The following CAST variants were observed in gnomAD, a reference collection of about 807,000 sequenced individuals.
CAST encodes the protein calpastatin, also known as MIR583 host.
CAST carries 76 observed loss-of-function variants against 119.6 expected under a neutral mutation model. The ratio of observed to expected loss-of-function variants is 0.64; its 90% confidence interval spans 0.53 to 0.77. CAST has a LOEUF of 0.77. Among genes scored for constraint, CAST ranks in the 30% least tolerant of loss-of-function variants. CAST has a pLI of 0.00. For missense variants in CAST, 953 were observed against 946.5 expected (o/e 1.01, Z -0.09); for synonymous variants, 319 against 331.6 (o/e 0.96, Z 0.41).
chr5:96,723,468 A>T (rs993262329), intron 4 of CAST, among the ~76,000 whole-genome samples: 5 of 152,182 alleles, frequency 3.3e-5, no homozygotes, highest in Admixed American at 2.0e-4. Context: ...GTTATTTCGG[A>T]TGCTTTCCCA....
At chr5:96,456,455 C>T in the CAST span, among the ~76,000 whole-genome samples, 185 of 152,250 alleles carry the variant, frequency 1.2e-3, no homozygotes, top group Non-Finnish European at 1.8e-3. Flanking sequence ...TACTCCTCAG[C>T]GCCCACTCCC....
chr5:96,074,844 G>GTTATACTTA, the CAST span, among the ~76,000 whole-genome samples: 1 of 152,142 alleles, frequency 6.6e-6, no homozygotes, highest in African/African-American at 2.4e-5. Flanking sequence ...TTATTTATGG[G>GTTATACTTA]TTATACTTAT....
upstream of CAST, among the ~76,000 whole-genome samples, chr5:96,523,506 C>A (rs1244883914): frequency 6.6e-6 from 1 of 152,254 alleles, no homozygotes; most frequent in Non-Finnish European, 1.5e-5. Flanking sequence ...GTGTGCCCGA[C>A]TCTCTCTTTG....
chr5:96,157,208 C>T, the CAST span, among the ~76,000 whole-genome samples: 18 of 152,156 alleles, frequency 1.2e-4, no homozygotes, highest in Non-Finnish European at 1.5e-4. Context: ...CAGAAAGCCT[C>T]GGAGTTTTGT....
At chr5:96,596,646 A>G (rs1219663076) in intron 1 of CAST, among the ~76,000 whole-genome samples, 1 of 152,126 alleles carries the variant, frequency 6.6e-6, no homozygotes, top group African/African-American at 2.4e-5. Flanking sequence ...ATATGAGGGA[A>G]CTTGCTGTGA....
the CAST span, among the ~76,000 whole-genome samples, chr5:96,478,995 G>A: frequency 0.2 from 30,199 of 152,182 alleles, 3,114 homozygotes; most frequent in Middle Eastern, 0.3. Flanking sequence ...AGTGCTAATT[G>A]GGTGTAACTG....
the CAST span, among the ~76,000 whole-genome samples, chr5:96,158,792 A>G: frequency 6.6e-6 from 1 of 152,238 alleles, no homozygotes; most frequent in South Asian, 2.1e-4. Context: ...ATAAATGTGT[A>G]TTTCATGAAA....
the CAST span, among the ~76,000 whole-genome samples, chr5:95,997,962 G>GTTTT: frequency 5.7e-4 from 64 of 111,628 alleles, no homozygotes; most frequent in East Asian, 6.0e-3. Flanking sequence ...TTTGAGAGAG[G>GTTTT]GTTTTTTTTT....
chr5:96,158,818 A>G, the CAST span, among the ~76,000 whole-genome samples: 1 of 152,236 alleles, frequency 6.6e-6, no homozygotes, highest in Non-Finnish European at 1.5e-5. Context: ...TGCCAGCACT[A>G]TCTTAAGTGG....
chr5:96,066,440 C>G, the CAST span, among the ~76,000 whole-genome samples: 1 of 146,408 alleles, frequency 6.8e-6, no homozygotes, highest in South Asian at 2.2e-4. Flanking sequence ...CTGCCTATTT[C>G]TTTCCATTTT....
chr5:96,746,192 G>A (rs1202781125), intron 16 of CAST, 150 bp from the exon 17 acceptor site: 5 of 633,618 alleles, frequency 7.9e-6, no homozygotes, highest in Non-Finnish European at 1.4e-5. Context: ...GCCCACCATC[G>A]TCTTGTGCTT....
chr5:96,598,409 T>G (rs927967656), intron 1 of CAST, among the ~76,000 whole-genome samples: 1 of 152,096 alleles, frequency 6.6e-6, no homozygotes, highest in Non-Finnish European at 1.5e-5. Context: ...ATCCCACCCA[T>G]CCAAGCACTG....
the CAST span, among the ~76,000 whole-genome samples, chr5:96,385,283 T>G: frequency 6.6e-6 from 1 of 152,182 alleles, no homozygotes; most frequent in Non-Finnish European, 1.5e-5. Context: ...CACCCTTAAA[T>G]TTGTTGGGGT....
chr5:96,078,168 G>C, the CAST span, among the ~76,000 whole-genome samples: 6 of 152,098 alleles, frequency 3.9e-5, no homozygotes, highest in Admixed American at 3.9e-4. Context: ...GTGACAGCCC[G>C]ACCCTCATGT....
At chr5:96,682,417 C>A (rs1751539480) in intron 2 of CAST, among the ~76,000 whole-genome samples, 1 of 152,192 alleles carries the variant, frequency 6.6e-6, no homozygotes, top group South Asian at 2.1e-4. Context: ...TTGTCTCACT[C>A]CATTATCATT....
At chr5:96,528,254 C>T (rs1352890792), upstream of CAST, among the ~76,000 whole-genome samples, 2 of 152,142 alleles carry the variant, frequency 1.3e-5, no homozygotes, top group African/African-American at 4.8e-5. Context: ...CATAATAAAG[C>T]ATTTTTAAGC....
chr5:96,727,582 T>C, intron 6 of CAST, 52 bp downstream of exon 6: 1 of 1,189,004 alleles, frequency 8.4e-7, no homozygotes, highest in Non-Finnish European at 1.2e-6. Context: ...TTAATAATAA[T>C]GAATAATCAA....
At chr5:96,196,925 T>C in the CAST span, among the ~76,000 whole-genome samples, 1 of 152,218 alleles carries the variant, frequency 6.6e-6, no homozygotes, top group Non-Finnish European at 1.5e-5. Context: ...GGATGATGAC[T>C]GCTTATTAGA....
chr5:96,666,028 T>C (rs1468904505), intron 1 of CAST, among the ~76,000 whole-genome samples: 1 of 152,196 alleles, frequency 6.6e-6, no homozygotes, highest in Non-Finnish European at 1.5e-5. Context: ...GTAAATCCTA[T>C]AATTAAAATA....
Sources: allele counts gnomAD v4.1 joint callset (sites outside exome capture counted in the v4.1 genomes callset), GRCh38; gene constraint gnomAD v4.1.1; transcripts MANE v1.5; gene names NCBI Gene and HGNC (gene_info 2026-07-23, HGNC 2026-07-21).